Variants in QPCT observed in about 807,000 individuals in gnomAD.
QPCT encodes the protein glutaminyl-peptide cyclotransferase, also known as EC.
In QPCT, 44 loss-of-function variants were observed where a neutral mutation model predicts 43.4. That is an observed-to-expected ratio of 1.01 (90% CI 0.80 to 1.30). QPCT has a LOEUF of 1.30. Ranked by LOEUF, QPCT falls within the 50% of genes most tolerant of loss-of-function variation. QPCT has a pLI of 0.00. For synonymous variants in QPCT, 168 were observed against 168.4 expected, an observed-to-expected ratio of 1.00 and a Z score of 0.02; for missense variants, 526 against 436.5, an observed-to-expected ratio of 1.21 and a Z score of -1.83.
Position 37,372,712 on chromosome 2 carries a change from C to T in QPCT, c.971C>T (p.Pro324Leu), listed in dbSNP as rs760485382. Residue 324 changes from proline (P) to leucine (L), a missense_variant, in exon 7 of 7, where the codon CCT becomes CTT. By Grantham distance (98) the Pro-to-Leu change is moderately conservative. Coordinates refer to ENST00000338415, the MANE Select transcript of QPCT (RefSeq NM_012413.4). ...GVPVLHLIPS[P>L]FPEVWHTMDD... ...CCAGTTCTGCATCTGATACCGTCTCCTTTCCCTGAAGTCTGGCACACCATG... is the reference window on the plus strand; with the variant it reads ...CCAGTTCTGCATCTGATACCGTCTCTTTTCCCTGAAGTCTGGCACACCATG... The T allele has an allele frequency of 6.2e-7, 1 of 1,613,660 alleles. No homozygotes were observed. Among genetic ancestry groups the T allele is most frequent in the Non-Finnish European group, 8.5e-7 (1 of 1,179,802 alleles).
rs1196918221 is a variant in QPCT, at chr2:37,344,683, C to G, written c.-49C>G. ...GGCGAAGGACGCGCGTTCCCGGGCT[C>G]GTGACCGCCAGCGGCCCGGGGAACC... On this transcript the variant is annotated 5_prime_UTR_variant, in exon 1 of 7. Coordinates refer to ENST00000338415, the MANE Select transcript of QPCT (RefSeq NM_012413.4). 1 of 1,559,520 alleles carries G rather than the reference C, an allele frequency of 6.4e-7. No homozygotes were observed. Among genetic ancestry groups the G allele is most frequent in the Admixed American group, 1.9e-5 (1 of 52,800 alleles).
At chr2:37,362,909 C>A (rs993214017) in intron 3 of QPCT, among the ~76,000 whole-genome samples, 1 of 151,928 alleles carries the variant, frequency 6.6e-6, no homozygotes, top group Non-Finnish European at 1.5e-5. Flanking sequence ...TAAGTGAGTG[C>A]CCCCTTGTGC....
At chr2:37,360,343 A>G (rs533686636) in intron 3 of QPCT, among the ~76,000 whole-genome samples, 72 of 152,260 alleles carry the variant, frequency 4.7e-4, no homozygotes, top group Middle Eastern at 3.4e-3. Context: ...TGAAGCAGAA[A>G]TGCATTATTG....
chr2:37,358,166 T>C (rs946031840), intron 2 of QPCT, among the ~76,000 whole-genome samples: 1 of 146,390 alleles, frequency 6.8e-6, no homozygotes, highest in South Asian at 2.2e-4. Context: ...TAATGCCAGC[T>C]CTTTGGGAGG....
intron 3 of QPCT, among the ~76,000 whole-genome samples, chr2:37,366,184 G>A (rs370159755): frequency 5.9e-5 from 9 of 152,170 alleles, no homozygotes; most frequent in African/African-American, 2.2e-4. Context: ...TGGGATTGAA[G>A]GACTTTGGAG....
chr2:37,347,630 A>G (rs1672532144), intron 1 of QPCT, among the ~76,000 whole-genome samples: 1 of 152,046 alleles, frequency 6.6e-6, no homozygotes, highest in Non-Finnish European at 1.5e-5. Flanking sequence ...GATCTCCTTC[A>G]TGCAGCTTAA....
At chr2:37,347,170 T>TATATATC (rs1672512539) in intron 1 of QPCT, among the ~76,000 whole-genome samples, 1 of 52,848 alleles carries the variant, frequency 1.9e-5, no homozygotes, top group African/African-American at 8.5e-5. Context: ...ATATAACATA[T>TATATATC]ATATATATAA....
At chr2:37,359,174 G>A (rs990555592) in intron 2 of QPCT, among the ~76,000 whole-genome samples, 1 of 151,792 alleles carries the variant, frequency 6.6e-6, no homozygotes, top group Admixed American at 6.5e-5. Context: ...AGCAAGGGGA[G>A]AGTAATATAA....
chr2:37,366,435 C>T (rs1018728725), intron 3 of QPCT, among the ~76,000 whole-genome samples: 14 of 152,296 alleles, frequency 9.2e-5, no homozygotes, highest in African/African-American at 3.1e-4. Flanking sequence ...TTATCTCTCC[C>T]CAACCCAACT....
chr2:37,365,848 A>G lies in QPCT; in HGVS notation c.547-1384A>G, dbSNP rs7603448. On this transcript the variant is annotated intron_variant, in intron 3 of 6. Transcript: ENST00000338415. ...AGAAGAGTGCCAGAGTGACTGAACT[A>G]AGAAAATACAAATGACTTGCCAGTC... is the stretch of plus-strand genomic sequence containing the variant. Among the ~76,000 whole-genome samples, 417 of 152,346 alleles carry G rather than the reference A, an allele frequency of 2.7e-3. 3 individuals are homozygous for G. The highest frequency in any genetic ancestry group is 9.7e-3 in the African/African-American group (404 of 41,586).
At chr2:37,351,865 A>G (rs1241235585) in intron 1 of QPCT, among the ~76,000 whole-genome samples, 1 of 151,954 alleles carries the variant, frequency 6.6e-6, no homozygotes, top group Non-Finnish European at 1.5e-5. Flanking sequence ...CTGGGCAACA[A>G]GAGTGAAACT....
chr2:37,353,042 T>G (rs977605926), intron 2 of QPCT, 107 bp downstream of exon 2: 2 of 1,295,022 alleles, frequency 1.5e-6, no homozygotes, highest in African/African-American at 1.5e-5. Context: ...AGATCTGTCA[T>G]CTCCTCATTC....
chr2:37,346,555 C>T (rs1672492937), intron 1 of QPCT, among the ~76,000 whole-genome samples: 1 of 152,172 alleles, frequency 6.6e-6, no homozygotes, highest in Non-Finnish European at 1.5e-5. Flanking sequence ...GGAAAAGGTG[C>T]TGTGATTCTT....
In QPCT at chr2:37,346,921, C is replaced by T. The variant is rs568097449; in HGVS notation, c.120+2070C>T. Among the ~76,000 whole-genome samples the T allele has an allele frequency of 3.3e-5, 5 of 151,800 alleles. No individual in the cohort carries two copies. In the South Asian group the frequency reaches 1.0e-3, roughly 31 times the overall value. ...GTAAAGAAAGCATTGATTTTGAAAT[C>T]CATTTCCTTCGTTTTGAAATAAAGA... On this transcript the variant is annotated intron_variant, in intron 1 of 6. Coordinates refer to ENST00000338415, the MANE Select transcript of QPCT (RefSeq NM_012413.4).
chr2:37,357,409 A>G (rs1249219756), intron 2 of QPCT, among the ~76,000 whole-genome samples: 1 of 151,634 alleles, frequency 6.6e-6, no homozygotes, highest in Non-Finnish European at 1.5e-5. Flanking sequence ...TATTCAAACT[A>G]TTAATGCTTT....
intron 1 of QPCT, among the ~76,000 whole-genome samples, chr2:37,345,953 TTAA>T (rs1672478663): frequency 6.6e-6 from 1 of 152,206 alleles, no homozygotes; most frequent in South Asian, 2.1e-4. Flanking sequence ...TGTGCAAATA[TTAA>T]TGATGTCAGC....
At chr2:37,351,107 T>C (rs568854949) in intron 1 of QPCT, among the ~76,000 whole-genome samples, 1 of 152,346 alleles carries the variant, frequency 6.6e-6, no homozygotes, top group African/African-American at 2.4e-5. Context: ...AAGCATTCTT[T>C]GAAGTCCAGT....
At chr2:37,344,994 G>T (rs990196960) in intron 1 of QPCT, 143 bp downstream of exon 1, 99 of 1,254,400 alleles carry the variant, frequency 7.9e-5, no homozygotes, top group Non-Finnish European at 9.2e-5. Context: ...CCCACCCGGC[G>T]CCCGGAGGAG....
At chr2:37,353,891 G>A (rs1246294447) in intron 2 of QPCT, among the ~76,000 whole-genome samples, 1 of 152,136 alleles carries the variant, frequency 6.6e-6, no homozygotes, top group East Asian at 1.9e-4. Flanking sequence ...CGATTTCAGA[G>A]TCTCGCTCTG....
Sources: gnomAD v4.1 joint callset for allele counts (sites outside exome capture counted in the v4.1 genomes callset) on GRCh38, gnomAD v4.1.1 for gene constraint, MANE v1.5 for transcripts, NCBI Gene and HGNC (gene_info 2026-07-23, HGNC 2026-07-21) for gene names.